LARGE1: variants seen among roughly 807,000 people sequenced by gnomAD.
LARGE1 encodes the protein LARGE xylosyl- and glucuronyltransferase 1, also known as xylosyl- and glucuronyltransferase LARGE1.
LARGE1 carries 43 observed loss-of-function variants against 87.6 expected under a neutral mutation model. The observed-to-expected ratio is 0.49, with a 90% CI of 0.38 to 0.63. LARGE1 has a LOEUF of 0.63. LARGE1 is among the 30% of genes least tolerant of loss of function. The pLI, the probability that LARGE1 is intolerant of heterozygous loss-of-function variation, is 0.00. For missense variants in LARGE1, 802 were observed against 1,000.2 expected (o/e 0.80, Z 2.67); for synonymous variants, 434 against 394.6 (o/e 1.10, Z -1.18).
intron 1 of LARGE1, among the ~76,000 whole-genome samples, chr22:33,843,675 ATGAAAACAAGTCTTATCC>A (rs2063347112): frequency 6.6e-6 from 1 of 151,940 alleles, no homozygotes; most frequent in African/African-American, 2.4e-5. Context: ...AATGTTACTG[ATGAAAACAAGTCTTATCC>A]TGCAGGTTTG....
chr22:33,724,957 A>G (rs1440142489), intron 2 of LARGE1: 2 of 152,378 alleles, frequency 1.3e-5, no homozygotes, highest in Non-Finnish European at 2.9e-5. Flanking sequence ...TCTGATTCTG[A>G]CTTCATAAAG....
chr22:33,867,608 T>C (rs1169071147), intron 1 of LARGE1, among the ~76,000 whole-genome samples: 1 of 152,172 alleles, frequency 6.6e-6, no homozygotes, highest in Non-Finnish European at 1.5e-5. Context: ...ATCTGAAAGC[T>C]CTGTTTCATA....
At chr22:33,414,518 A>G (rs2066419259) in intron 7 of LARGE1, among the ~76,000 whole-genome samples, 1 of 152,182 alleles carries the variant, frequency 6.6e-6, no homozygotes, top group Non-Finnish European at 1.5e-5. Context: ...GGACGTAGCT[A>G]ACAAAGGGGT....
At chr22:33,580,701 T>C (rs965242548) in intron 5 of LARGE1, among the ~76,000 whole-genome samples, 1 of 152,198 alleles carries the variant, frequency 6.6e-6, no homozygotes, top group South Asian at 2.1e-4. Context: ...CAATAAGTAA[T>C]AGCAGCACAT....
intron 6 of LARGE1, among the ~76,000 whole-genome samples, chr22:33,499,396 A>G (rs1369421611): frequency 6.6e-6 from 1 of 152,192 alleles, no homozygotes; most frequent in African/African-American, 2.4e-5. Flanking sequence ...TTTAGTTATA[A>G]CGATTGGTTA....
intron 11 of LARGE1, among the ~76,000 whole-genome samples, chr22:33,203,531 T>C (rs534571069): frequency 1.3e-5 from 2 of 152,204 alleles, no homozygotes; most frequent in Middle Eastern, 3.4e-3. Flanking sequence ...GGTTATGGTG[T>C]GAAGGCTTCC....
At chr22:33,778,948 G>A (rs1199107078) in intron 1 of LARGE1, among the ~76,000 whole-genome samples, 3 of 152,142 alleles carry the variant, frequency 2.0e-5, no homozygotes, top group Admixed American at 1.3e-4. Flanking sequence ...ACCGCACCCA[G>A]CCTAGCATCC....
intron 11 of LARGE1, among the ~76,000 whole-genome samples, chr22:33,258,556 G>T (rs185937534): frequency 6.6e-6 from 1 of 151,990 alleles, no homozygotes; most frequent in Non-Finnish European, 1.5e-5. Flanking sequence ...CAGAAAGTTC[G>T]GTATTTCTAG....
At chr22:33,859,675 G>A (rs1047360526) in intron 1 of LARGE1, among the ~76,000 whole-genome samples, 1 of 152,122 alleles carries the variant, frequency 6.6e-6, no homozygotes, top group Non-Finnish European at 1.5e-5. Context: ...AATGATTAAC[G>A]AAATCAACAA....
chr22:33,435,662 A>G (rs765967835), intron 6 of LARGE1, among the ~76,000 whole-genome samples: 1 of 152,152 alleles, frequency 6.6e-6, no homozygotes. Context: ...GGTGCTCTAC[A>G]TAAGGCTTAA....
intron 1 of LARGE1, among the ~76,000 whole-genome samples, chr22:33,903,451 AAAAT>A (rs1310007544): frequency 6.6e-5 from 10 of 152,182 alleles, no homozygotes; most frequent in African/African-American, 1.4e-4. Context: ...ATTTTTTTAA[AAAAT>A]AAATAAAATC....
chr22:33,555,064 A>G (rs1375312137), intron 6 of LARGE1, among the ~76,000 whole-genome samples: 3 of 152,234 alleles, frequency 2.0e-5, no homozygotes, highest in Admixed American at 1.3e-4. Flanking sequence ...TGTACTGAAT[A>G]TACACAGATT....
intron 6 of LARGE1, among the ~76,000 whole-genome samples, chr22:33,455,032 C>T (rs2068078191): frequency 2.0e-5 from 3 of 152,184 alleles, no homozygotes; most frequent in Admixed American, 2.0e-4. Context: ...CAGATAAGGA[C>T]TCTCTCCTAG....
At chr22:33,201,795 C>T (rs775856672) in intron 11 of LARGE1, among the ~76,000 whole-genome samples, 6 of 152,106 alleles carry the variant, frequency 3.9e-5, no homozygotes, top group African/African-American at 1.2e-4. Flanking sequence ...AATGGAGATC[C>T]GCTGAAGCGT....
chr22:33,279,807 T>C (rs1349095644), intron 13 of LARGE1, among the ~76,000 whole-genome samples: 1 of 152,226 alleles, frequency 6.6e-6, no homozygotes, highest in Non-Finnish European at 1.5e-5. Context: ...GAATGGGCAG[T>C]CTTAACACCT....
At chr22:33,269,934 A>G (rs1474451961), downstream of LARGE1, among the ~76,000 whole-genome samples, 4 of 151,404 alleles carry the variant, frequency 2.6e-5, no homozygotes, top group African/African-American at 7.3e-5. Context: ...GAACCTGGGA[A>G]GCAGAGCTTG....
intron 2 of LARGE1, among the ~76,000 whole-genome samples, chr22:33,727,224 T>G (rs2083298601): frequency 6.6e-6 from 1 of 152,180 alleles, no homozygotes; most frequent in African/African-American, 2.4e-5. Flanking sequence ...AATCAAGAAA[T>G]GTCAGACTGT....
rs138380790 is a variant in LARGE1 at position 33,451,048 on chromosome 22, C to A, written c.788-18783G>T. Among the ~76,000 whole-genome samples, 833 of 152,302 alleles carry A rather than the reference C, an allele frequency of 5.5e-3. 5 individuals carry two copies. Among genetic ancestry groups the A allele is most frequent in the African/African-American group, 0.018 (748 of 41,558 alleles). ...CCCACTGATCTCCCTCTTGCCACTG[C>A]CCTCTTCGGAGAGAATTCTCCCTTA... On this transcript the variant is annotated intron_variant, in intron 6 of 14. Transcript: ENST00000397394.
At chr22:33,604,283 A>G in intron 5 of LARGE1, 152 bp downstream of exon 5, 1 of 1,038,234 alleles carries the variant, frequency 9.6e-7, no homozygotes, top group Non-Finnish European at 1.5e-6. Flanking sequence ...TTCGATAATA[A>G]AATCAGATTC....
Sources: gnomAD v4.1 joint callset for allele counts (sites outside exome capture counted in the v4.1 genomes callset) on GRCh38, gnomAD v4.1.1 for gene constraint, MANE v1.5 for transcripts, NCBI Gene and HGNC (gene_info 2026-07-23, HGNC 2026-07-21) for gene names.